Variants in CDH26 observed in about 807,000 individuals in gnomAD.
The protein encoded by CDH26 is cadherin-like protein 26.
In CDH26, 83 loss-of-function variants were observed where a neutral mutation model predicts 90.3. The observed-to-expected ratio is 0.92, with a 90% CI of 0.77 to 1.10. The LOEUF is 1.10. Among genes scored for constraint, CDH26 ranks in the 50% least tolerant of loss-of-function variants. CDH26 has a pLI of 0.00. For missense variants in CDH26, 1,013 were observed against 1,037.6 expected (o/e 0.98, Z 0.33); for synonymous variants, 397 against 396.3 (o/e 1.00, Z -0.02).
At chr20:59,983,779 A>G (rs2061422409) in intron 5 of CDH26, among the ~76,000 whole-genome samples, 1 of 152,192 alleles carries the variant, frequency 6.6e-6, no homozygotes, top group Non-Finnish European at 1.5e-5. Flanking sequence ...ATATGCGTAT[A>G]TGGTAAATAT....
chr20:59,965,051 A>C (rs958641178), intron 1 of CDH26, among the ~76,000 whole-genome samples: 3 of 152,258 alleles, frequency 2.0e-5, no homozygotes, highest in Admixed American at 2.0e-4. Context: ...AACTACTGAC[A>C]TTAATCAAGA....
intron 9 of CDH26, among the ~76,000 whole-genome samples, chr20:59,990,459 G>A (rs948538617): frequency 6.6e-6 from 1 of 152,100 alleles, no homozygotes; most frequent in Non-Finnish European, 1.5e-5. Flanking sequence ...CATTTCTCGT[G>A]CTTACTTGGC....
intron 14 of CDH26, among the ~76,000 whole-genome samples, chr20:60,000,530 C>G (rs1041527504): frequency 2.0e-5 from 3 of 152,218 alleles, no homozygotes; most frequent in Non-Finnish European, 2.9e-5. Flanking sequence ...TCTTTCCTTC[C>G]TCTGAGCCAG....
At chr20:60,026,873 C>A (rs925880305) in intron 7 of CDH26, among the ~76,000 whole-genome samples, 1 of 152,202 alleles carries the variant, frequency 6.6e-6, no homozygotes, top group Non-Finnish European at 1.5e-5. Flanking sequence ...ATGTAAACTT[C>A]CACAGGGAAG....
Position 59,998,512 on chromosome 20 carries a change from AAGACCAGCTATGCCAGTGGGACAAG to A in CDH26, c.2020-1070_2020-1046del, listed in dbSNP as rs1265218123. On this transcript the variant is annotated intron_variant, in intron 13 of 17. Transcript: ENST00000348616. ...CTTAATGACATGGTGGCACTGGTCA[AAGACCAGCTATGCCAGTGGGACAAG>A]AGAACCTCATGCTGGGCAAGGGGCT... Among the ~76,000 whole-genome samples the A allele has an allele frequency of 7.2e-5, 11 of 152,218 alleles. No individual in the cohort carries two copies. The East Asian group carries it at 1.9e-3, about 27-fold the overall frequency.
At chr20:60,031,480 C>T in intron 8 of CDH26, 2 of 1,050,318 alleles carry the variant, frequency 1.9e-6, no homozygotes, top group Non-Finnish European at 2.3e-6. Context: ...AAAAAAGATT[C>T]AGTTATGAAT....
At chr20:59,997,877 G>A (rs567449286) in intron 13 of CDH26, among the ~76,000 whole-genome samples, 4 of 152,318 alleles carry the variant, frequency 2.6e-5, no homozygotes, top group Admixed American at 6.5e-5. Context: ...GCTGGTGCTC[G>A]CCCAAGGCTC....
intron 4 of CDH26, among the ~76,000 whole-genome samples, chr20:59,973,076 G>C (rs1023048462): frequency 2.6e-5 from 4 of 152,188 alleles, no homozygotes; most frequent in Non-Finnish European, 5.9e-5. Context: ...ACTTTTAACA[G>C]TGCCTGTTAA....
chr20:59,982,951 C>T lies in CDH26; in HGVS notation c.422C>T (p.Thr141Ile). 1 of 1,614,014 alleles carries T rather than the reference C, an allele frequency of 6.2e-7. No homozygotes were observed. The highest frequency in any genetic ancestry group is 8.5e-7 in the Non-Finnish European group (1 of 1,179,954). Residue 141 changes from threonine to isoleucine, a missense_variant, in exon 5 of 18, where the codon ACA (threonine) becomes ATA (isoleucine). By Grantham distance (89) the Thr-to-Ile change is moderately conservative. Coordinates refer to ENST00000348616, the MANE Select transcript of CDH26 (RefSeq NM_177980.4). Reference sequence around the variant, plus strand: ...TATTTTGATGTTGTGGAGCGCTCAACAGGAAAAATTGTGGATACATCCTTG... The same window carrying T: ...TATTTTGATGTTGTGGAGCGCTCAATAGGAAAAATTGTGGATACATCCTTG... ...TVYFDVVERS[T>I]GKIVDTSLIF...
intron 1 of CDH26, among the ~76,000 whole-genome samples, chr20:59,962,311 T>C (rs1414697363): frequency 6.6e-6 from 1 of 152,154 alleles, no homozygotes; most frequent in African/African-American, 2.4e-5. Context: ...AGAAATGTAC[T>C]CTCTTGCAGT....
In CDH26 at chr20:59,992,354, T is replaced by G; in HGVS notation, c.1284-24T>G. ...AATGTAAGTTTTTAATTTTAAAAAT[T>G]GCTGTCCGTTTTCCTTCTACAAGAT... is the stretch of plus-strand genomic sequence containing the variant. On this transcript the variant is annotated intron_variant, in intron 9 of 17. Coordinates refer to ENST00000348616, the MANE Select transcript of CDH26 (RefSeq NM_177980.4). This position sits in a 1 kb window ranked among gnomAD's most constrained non-coding sequence, Gnocchi z 5.0. 1.3e-6 allele frequency: 2 copies of G among 1,594,258 alleles called. No individual in the cohort carries two copies. The highest frequency in any genetic ancestry group is 1.7e-6 in the Non-Finnish European group (2 of 1,174,214).
rs371003081 is a variant in CDH26, at chr20:59,994,488, G to A, written c.1665G>A (p.Trp555Ter). Residue 555 changes from tryptophan to a stop codon, truncating the protein, a stop_gained and splice_region_variant, in exon 11 of 18, where the codon TGG becomes TGA. Transcript: ENST00000348616. LOFTEE classifies it high-confidence loss of function. ...AEDTWKLGRNWGQSVELLTLR... is the reference protein window; with the variant it reads ...AEDTWKLGRN ...ACACATGGAAGTTGGGGAGAAATTG[G>A]GGTGAGTTTTTGTATTGGTTACGGG... The A allele has an allele frequency of 5.3e-5, 86 of 1,613,746 alleles. No homozygotes were observed. The highest frequency in any genetic ancestry group is 7.1e-5 in the Non-Finnish European group (84 of 1,179,910).
chr20:59,968,978 T>C lies in CDH26; in HGVS notation c.81T>C (p.Ile27=). The C allele has an allele frequency of 1.3e-6, 2 of 1,573,974 alleles. No individual in the cohort carries two copies. The highest frequency in any genetic ancestry group is 1.7e-6 in the Non-Finnish European group (2 of 1,145,082). ...TTTTTATTTTTAAGGTCAGTATCAT[T>C]GACAGTGTTCAACAGGAAACAGATG... The part of the protein sequence containing the change: ...LLLWLLQVSI[I]DSVQQETDDL... Residue 27 remains isoleucine, a synonymous_variant, in exon 2 of 18, where the codon ATT becomes ATC. Coordinates refer to ENST00000348616, the MANE Select transcript of CDH26 (RefSeq NM_177980.4).
At chr20:60,009,708 A>G (rs987069004) in intron 17 of CDH26, among the ~76,000 whole-genome samples, 2 of 152,024 alleles carry the variant, frequency 1.3e-5, no homozygotes, top group Admixed American at 6.5e-5. Flanking sequence ...TATTGATCTG[A>G]TGAGGCCTCC....
At chr20:59,974,537 AG>A (rs2061304251) in intron 4 of CDH26, among the ~76,000 whole-genome samples, 1 of 152,160 alleles carries the variant, frequency 6.6e-6, no homozygotes, top group South Asian at 2.1e-4. Flanking sequence ...CACCATTTAG[AG>A]CAAAGAGTGA....
chr20:60,011,643 G>A (rs928361225), intron 17 of CDH26, among the ~76,000 whole-genome samples: 4 of 152,162 alleles, frequency 2.6e-5, no homozygotes, highest in South Asian at 2.1e-4. Flanking sequence ...GGTCTTGGCC[G>A]TGCTCCAGTA....
intron 4 of CDH26, among the ~76,000 whole-genome samples, chr20:59,982,331 T>G (rs1223385864): frequency 6.6e-6 from 1 of 152,224 alleles, no homozygotes; most frequent in Admixed American, 6.5e-5. Context: ...TATTATGATG[T>G]CTTTTTAAAA....
In CDH26 at chr20:59,994,346, A is replaced by T; in HGVS notation, c.1523A>T (p.Glu508Val). ...PTLRPRSRYMEVCESAVHEPL... is the reference protein window; with the variant it reads ...PTLRPRSRYMVVCESAVHEPL... ...CTCCGGCCACGTTCCCGCTACATGG[A>T]GGTCTGTGAGTCTGCTGTGCATGAG... Residue 508 changes from glutamate to valine, a missense_variant, in exon 11 of 18, where the codon GAG (glutamate) becomes GTG (valine). Transcript: ENST00000348616. 6.2e-7 allele frequency: 1 copy of T among 1,613,856 alleles called. No homozygotes were observed. The highest frequency in any genetic ancestry group is 1.3e-5 in the African/African-American group (1 of 74,898).
intron 1 of CDH26, among the ~76,000 whole-genome samples, chr20:59,966,036 G>T (rs1436861895): frequency 2.0e-5 from 3 of 152,010 alleles, no homozygotes; most frequent in Non-Finnish European, 2.9e-5. Flanking sequence ...GCTTATATTG[G>T]CAGACACAAG....
Sources: gnomAD v4.1 joint callset for allele counts (sites outside exome capture counted in the v4.1 genomes callset) on GRCh38, gnomAD v4.1.1 for gene constraint, Gnocchi (gnomAD v3.1) non-coding constraint, MANE v1.5 for transcripts, NCBI Gene and HGNC (gene_info 2026-07-23, HGNC 2026-07-21) for gene names.